RBFOX1: variants seen among roughly 807,000 people sequenced by gnomAD.
RBFOX1 encodes the protein RNA binding protein fox-1 homolog 1.
A neutral mutation model predicts 57.7 loss-of-function variants in RBFOX1; 8 were observed. The observed-to-expected ratio is 0.14, with a 90% confidence interval of 0.08 to 0.25. The LOEUF (loss-of-function observed/expected upper bound fraction) is 0.25. RBFOX1 is among the 10% of genes least tolerant of loss of function. RBFOX1 has a pLI of 1.00. For missense variants in RBFOX1, 611 were observed against 548.5 expected (o/e 1.11, Z -1.14); for synonymous variants, 326 against 222.4 (o/e 1.47, Z -4.15).
intron 1 of RBFOX1, among the ~76,000 whole-genome samples, chr16:6,280,273 C>G (rs2076238929): frequency 6.6e-6 from 1 of 152,220 alleles, no homozygotes; most frequent in East Asian, 1.9e-4. Context: ...CAAGGACAGC[C>G]GCCTCCCTCC....
At chr16:7,234,905 C>A (rs2093693198) in intron 4 of RBFOX1, among the ~76,000 whole-genome samples, 1 of 152,190 alleles carries the variant, frequency 6.6e-6, no homozygotes, top group African/African-American at 2.4e-5. Flanking sequence ...ACAGACATCT[C>A]CCAATTCCAT....
chr16:6,450,738 AT>A (rs1326007030), intron 2 of RBFOX1, among the ~76,000 whole-genome samples: 1 of 89,702 alleles, frequency 1.1e-5, no homozygotes, highest in Non-Finnish European at 2.3e-5. Context: ...AGGGGAATAA[AT>A]TTTATATATA....
At chr16:5,522,792 G>A (rs374090532) in intron 2 of RBFOX1, among the ~76,000 whole-genome samples, 3 of 152,124 alleles carry the variant, frequency 2.0e-5, no homozygotes, top group East Asian at 1.9e-4. Context: ...AATGCGTCAC[G>A]TTTGTCTTTC....
intron 5 of RBFOX1, among the ~76,000 whole-genome samples, chr16:7,552,562 A>G (rs1468271801): frequency 2.6e-5 from 4 of 152,188 alleles, no homozygotes; most frequent in Admixed American, 1.3e-4. Context: ...CCTCAACTCA[A>G]TTCTTAATAT....
chr16:7,198,079 C>T (rs1285437162), intron 4 of RBFOX1, among the ~76,000 whole-genome samples: 3 of 139,612 alleles, frequency 2.1e-5, no homozygotes, highest in Admixed American at 7.7e-5. Context: ...GATCTCGGCT[C>T]ACTGCAAGCT....
In RBFOX1 at chr16:5,420,635, C is replaced by T. The variant is rs532464204; in HGVS notation, c.220-46581C>T. 3.3e-5 allele frequency among the ~76,000 whole-genome samples: 5 copies of T among 152,158 alleles called. No individual in the cohort carries two copies. The East Asian group carries it at 9.7e-4, about 30-fold the overall frequency. The stretch of plus-strand genomic sequence containing the variant: ...AGCGATCCTCCTACCTCAGCGTCCC[C>T]CAACCCTGAGTCTGCAGGACCCTGA... On this transcript the variant is annotated intron_variant, in intron 1 of 2. Transcript: ENST00000585867.
chr16:7,588,838 G>A (rs901463102), intron 7 of RBFOX1, among the ~76,000 whole-genome samples: 2 of 151,968 alleles, frequency 1.3e-5, no homozygotes, highest in Non-Finnish European at 2.9e-5. Context: ...TAATTAACTA[G>A]GATGATGTTG....
intron 1 of RBFOX1, among the ~76,000 whole-genome samples, chr16:5,281,881 G>A (rs4118160): frequency 0.86 from 130,923 of 152,242 alleles, 56,569 homozygotes; most frequent in African/African-American, 0.93. Context: ...GCCTGTCTCT[G>A]TCTTTTAGGT....
intron 11 of RBFOX1, among the ~76,000 whole-genome samples, chr16:7,634,512 A>G (rs2061461806): frequency 6.6e-6 from 1 of 152,258 alleles, no homozygotes; most frequent in East Asian, 1.9e-4. Context: ...TTAGTCTGTA[A>G]TGAAAATAAT....
intron 4 of RBFOX1, among the ~76,000 whole-genome samples, chr16:7,300,750 C>A (rs1258456377): frequency 1.3e-5 from 2 of 152,126 alleles, no homozygotes; most frequent in South Asian, 4.1e-4. Context: ...AAAAAAGTTA[C>A]AATATTATTT....
intron 2 of RBFOX1, among the ~76,000 whole-genome samples, chr16:6,413,279 A>G (rs1224006733): frequency 6.7e-6 from 1 of 148,372 alleles, no homozygotes; most frequent in Non-Finnish European, 1.5e-5. Flanking sequence ...AGATGGTGCC[A>G]TTGCACTCCA....
At chr16:7,492,922 A>C (rs1204899062) in intron 4 of RBFOX1, among the ~76,000 whole-genome samples, 4 of 152,036 alleles carry the variant, frequency 2.6e-5, no homozygotes. Flanking sequence ...GACGTCCCCC[A>C]GGCTGGAGTG....
chr16:5,387,407 C>G (rs923636241), intron 1 of RBFOX1, among the ~76,000 whole-genome samples: 4 of 152,204 alleles, frequency 2.6e-5, no homozygotes, highest in Admixed American at 1.3e-4. Flanking sequence ...AAAGTCATCA[C>G]AGACCTAGGC....
chr16:7,569,286 T>G (rs964643586), intron 5 of RBFOX1, among the ~76,000 whole-genome samples: 17 of 152,210 alleles, frequency 1.1e-4, no homozygotes, highest in African/African-American at 4.1e-4. Flanking sequence ...ATCACCAGGT[T>G]TACAAGGATT....
intron 3 of RBFOX1, among the ~76,000 whole-genome samples, chr16:6,949,196 C>G (rs1487848847): frequency 2.0e-5 from 3 of 151,928 alleles, no homozygotes; most frequent in African/African-American, 7.3e-5. Flanking sequence ...ATAAAAGCTA[C>G]AAAAGCTAAA....
At chr16:6,167,858 C>T (rs933858019) in intron 1 of RBFOX1, among the ~76,000 whole-genome samples, 2 of 152,174 alleles carry the variant, frequency 1.3e-5, no homozygotes, top group Admixed American at 1.3e-4. Context: ...AAGCACTGCT[C>T]CGGGATGGGG....
At chr16:7,172,005 C>A (rs1345921483) in intron 4 of RBFOX1, among the ~76,000 whole-genome samples, 1 of 152,132 alleles carries the variant, frequency 6.6e-6, no homozygotes, top group Non-Finnish European at 1.5e-5. Flanking sequence ...ATCCTACATT[C>A]ACAGAGAGGC....
chr16:5,674,023 C>T (rs2050093921), intron 3 of RBFOX1, among the ~76,000 whole-genome samples: 1 of 152,176 alleles, frequency 6.6e-6, no homozygotes, highest in East Asian at 1.9e-4. Context: ...ATGCCAGTTG[C>T]TTTATAAATA....
At chr16:5,704,032 G>A (rs1248226243) in intron 3 of RBFOX1, among the ~76,000 whole-genome samples, 5 of 152,136 alleles carry the variant, frequency 3.3e-5, no homozygotes, top group Non-Finnish European at 7.4e-5. Flanking sequence ...AGAGCAAGCT[G>A]AATGGTGCTC....
Sources: gnomAD v4.1 joint callset for allele counts (sites outside exome capture counted in the v4.1 genomes callset) on GRCh38, gnomAD v4.1.1 for gene constraint, MANE v1.5 for transcripts, NCBI Gene and HGNC (gene_info 2026-07-23, HGNC 2026-07-21) for gene names.